The following HDAC9 variants were observed in gnomAD, a reference collection of about 807,000 sequenced individuals.
HDAC9 encodes MEF-2 interacting transcription repressor (MITR) protein.
Under a neutral mutation model 139.4 loss-of-function variants are expected in HDAC9, and 41 were observed. That is an observed-to-expected ratio of 0.29 (90% confidence interval 0.23 to 0.38). HDAC9 has a LOEUF of 0.38. Among genes scored for constraint, HDAC9 ranks in the 10% least tolerant of loss-of-function variants. The pLI, the probability that HDAC9 is intolerant of heterozygous loss-of-function variation, is 1.00. For missense variants in HDAC9, 1,147 were observed against 1,297.0 expected, an observed-to-expected ratio of 0.88 and a Z score of 1.78; for synonymous variants, 517 against 476.2, an observed-to-expected ratio of 1.09 and a Z score of -1.12.
At chr7:18,177,108 C>CCTTT (rs1788976939) in intron 2 of HDAC9, among the ~76,000 whole-genome samples, 1 of 152,186 alleles carries the variant, frequency 6.6e-6, no homozygotes, top group Admixed American at 6.5e-5. Context: ...TGCCTTCCTA[C>CCTTT]CTTTCTTAGT....
chr7:18,126,929 T>C (rs779800592), intron 1 of HDAC9, among the ~76,000 whole-genome samples: 42 of 152,296 alleles, frequency 2.8e-4, no homozygotes, highest in Non-Finnish European at 5.0e-4. Flanking sequence ...AAAAAGTATC[T>C]TTCTAATCCA....
intron 17 of HDAC9, among the ~76,000 whole-genome samples, chr7:18,806,995 C>T (rs964686061): frequency 1.3e-5 from 2 of 152,080 alleles, no homozygotes; most frequent in African/African-American, 2.4e-5. Context: ...ATGCTCCCTT[C>T]TTTTTTAATT....
At chr7:18,373,747 T>C (rs761857850) in intron 1 of HDAC9, among the ~76,000 whole-genome samples, 4 of 152,114 alleles carry the variant, frequency 2.6e-5, no homozygotes, top group Non-Finnish European at 5.9e-5. Context: ...TTTCTAATCA[T>C]TGACATTTTT....
chr7:18,868,875 A>T (rs951157298), intron 21 of HDAC9, among the ~76,000 whole-genome samples: 1 of 152,080 alleles, frequency 6.6e-6, no homozygotes, highest in Non-Finnish European at 1.5e-5. Context: ...AAAACTCAAG[A>T]GGACTGGTTT....
At chr7:18,701,439 C>CTA (rs1047973910) in intron 12 of HDAC9, among the ~76,000 whole-genome samples, 10 of 148,572 alleles carry the variant, frequency 6.7e-5, no homozygotes, top group African/African-American at 2.5e-4. Flanking sequence ...CACAACTGTA[C>CTA]TATAGTACCA....
chr7:18,837,583 C>A (rs1024930376), intron 21 of HDAC9, among the ~76,000 whole-genome samples: 2 of 152,006 alleles, frequency 1.3e-5, no homozygotes, highest in African/African-American at 4.8e-5. Context: ...ATAATCATAT[C>A]CATTATCTTT....
intron 1 of HDAC9, among the ~76,000 whole-genome samples, chr7:18,297,409 T>C (rs1487883110): frequency 1.3e-5 from 2 of 152,160 alleles, no homozygotes; most frequent in Non-Finnish European, 2.9e-5. Flanking sequence ...TTTGCACCAA[T>C]TCTTTGGTCC....
At chr7:18,629,547 A>G in intron 7 of HDAC9, 66 bp downstream of exon 7, 8 of 1,409,778 alleles carry the variant, frequency 5.7e-6, no homozygotes, top group Non-Finnish European at 7.7e-6. Flanking sequence ...AGTTTAGAAT[A>G]AATATACCTG....
chr7:18,853,267 ATTATAT>A (rs1254411003), intron 21 of HDAC9, among the ~76,000 whole-genome samples: 3 of 152,158 alleles, frequency 2.0e-5, no homozygotes, highest in Non-Finnish European at 4.4e-5. Context: ...CTTTTGCATG[ATTATAT>A]TTATTAAAAC....
chr7:18,458,988 C>G, intron 1 of HDAC9: 1 of 999,872 alleles, frequency 1.0e-6, no homozygotes, highest in South Asian at 1.4e-5. Flanking sequence ...GGCTATTGGT[C>G]AAAGCTGCGG....
At chr7:18,438,074 TTA>T (rs942721678) in intron 1 of HDAC9, among the ~76,000 whole-genome samples, 5 of 150,300 alleles carry the variant, frequency 3.3e-5, no homozygotes, top group African/African-American at 1.2e-4. Context: ...TATATAAAGT[TTA>T]TATATATAAT....
At chr7:18,509,348 CT>C (rs1800748217) in intron 2 of HDAC9, 1 of 985,440 alleles carries the variant, frequency 1.0e-6, no homozygotes, top group African/African-American at 1.7e-5. Context: ...CAGGGGAAGA[CT>C]GTCAGCTACG....
chr7:18,364,080 C>A (rs1585386784), intron 1 of HDAC9, among the ~76,000 whole-genome samples: 1 of 152,120 alleles, frequency 6.6e-6, no homozygotes, highest in East Asian at 1.9e-4. Context: ...TTTTCAGCAG[C>A]CTTTTCTCCT....
rs565197021 is a variant in HDAC9, at chr7:18,879,009, C to T, written c.2803+4413C>T. Among the ~76,000 whole-genome samples the T allele has an allele frequency of 2.6e-5, 4 of 152,260 alleles. No homozygotes were observed. In the South Asian group the frequency reaches 6.2e-4, roughly 24 times the overall value. ...CAAAAGTCAGTAGCATTCCTACACACCAACAACAGTTAAGCCTAGAGCCAA... is the reference window on the plus strand; with the variant it reads ...CAAAAGTCAGTAGCATTCCTACACATCAACAACAGTTAAGCCTAGAGCCAA... On this transcript the variant is annotated intron_variant, in intron 22 of 25. Transcript: ENST00000686413.
intron 3 of HDAC9, among the ~76,000 whole-genome samples, chr7:18,589,148 C>T (rs1830257760): frequency 6.6e-6 from 1 of 151,992 alleles, no homozygotes; most frequent in Non-Finnish European, 1.5e-5. Context: ...TTTAGTTACT[C>T]CTCAGTGTGC....
intron 21 of HDAC9, among the ~76,000 whole-genome samples, chr7:18,855,835 A>G (rs1163907056): frequency 1.3e-5 from 2 of 152,078 alleles, no homozygotes; most frequent in African/African-American, 2.4e-5. Flanking sequence ...TATGGTACCA[A>G]GAGACTTTTG....
chr7:18,982,975 AACTT>A (rs1431602214), intron 25 of HDAC9, among the ~76,000 whole-genome samples: 9 of 152,196 alleles, frequency 5.9e-5, no homozygotes, highest in African/African-American at 2.2e-4. Context: ...ACACATGTAA[AACTT>A]ACCGTCTTAA....
At chr7:18,882,103 G>A (rs540235363) in intron 22 of HDAC9, among the ~76,000 whole-genome samples, 1 of 152,184 alleles carries the variant, frequency 6.6e-6, no homozygotes, top group South Asian at 2.1e-4. Flanking sequence ...TTTTAAAAAC[G>A]AGTAAGGCTA....
chr7:18,917,442 G>C (rs190150008), intron 22 of HDAC9, among the ~76,000 whole-genome samples: 18 of 150,706 alleles, frequency 1.2e-4, no homozygotes, highest in African/African-American at 4.1e-4. Context: ...GAAAAGACAC[G>C]TATATATGAA....
Sources: gnomAD v4.1 joint callset for allele counts (sites outside exome capture counted in the v4.1 genomes callset) on GRCh38, gnomAD v4.1.1 for gene constraint, MANE v1.5 for transcripts, NCBI Gene and HGNC (gene_info 2026-07-23, HGNC 2026-07-21) for gene names.